The following CAMTA1 variants were observed in gnomAD, a reference collection of about 807,000 sequenced individuals.
CAMTA1 encodes calmodulin binding transcription activator 1.
Under a neutral mutation model 170.9 loss-of-function variants are expected in CAMTA1, and 27 were observed. The observed-to-expected ratio is 0.16, with a 90% CI of 0.12 to 0.22. CAMTA1 has a LOEUF of 0.22. Ranked by LOEUF, CAMTA1 falls within the 10% of genes least tolerant of loss-of-function variation. The probability of loss-of-function intolerance (pLI) is 1.00; values close to 1 mark genes in which losing one functional copy is unlikely to be tolerated. For synonymous variants in CAMTA1, 833 were observed against 891.5 expected, an observed-to-expected ratio of 0.93 and a Z score of 1.17; for missense variants, 1,619 against 2,217.2, an observed-to-expected ratio of 0.73 and a Z score of 5.42.
intron 6 of CAMTA1, among the ~76,000 whole-genome samples, chr1:7,576,196 G>C (rs1320754804): frequency 3.3e-5 from 5 of 152,122 alleles, no homozygotes; most frequent in Non-Finnish European, 7.4e-5. Flanking sequence ...TTTTAGTAGA[G>C]ACGGGGTTCC....
intron 5 of CAMTA1, among the ~76,000 whole-genome samples, chr1:7,452,448 C>T (rs1461703680): frequency 1.3e-5 from 2 of 152,156 alleles, no homozygotes; most frequent in African/African-American, 4.8e-5. Flanking sequence ...AGTGTTGTAC[C>T]GTCATCACCA....
chr1:7,056,681 G>A (rs946947890), intron 3 of CAMTA1, among the ~76,000 whole-genome samples: 3 of 152,004 alleles, frequency 2.0e-5, no homozygotes, highest in Non-Finnish European at 2.9e-5. Context: ...GCAGACCCCC[G>A]AGGGACTCCC....
intron 5 of CAMTA1, among the ~76,000 whole-genome samples, chr1:7,257,754 C>T (rs899241107): frequency 1.3e-5 from 2 of 152,124 alleles, no homozygotes; most frequent in Non-Finnish European, 2.9e-5. Context: ...AAATATTGTC[C>T]GTTGCTTTTG....
rs139618890 is a variant in CAMTA1 at position 7,609,489 on chromosome 1, TG to T, written c.511-30909del. On this transcript the variant is annotated intron_variant, in intron 6 of 22. Transcript: ENST00000303635. This position sits in a 1 kb window ranked among gnomAD's most constrained non-coding sequence, Gnocchi z 4.4. ...AGAGCAGCAGCCAGAAGGCAAGCCC[TG>T]GCCCCAGCCTCCAGGCCCCCAGGGA... Among the ~76,000 whole-genome samples, 3,557 of 152,256 alleles carry T rather than the reference TG, an allele frequency of 0.023. 139 individuals are homozygous for T. The highest frequency in any genetic ancestry group is 0.082 in the African/African-American group (3,391 of 41,528).
At chr1:6,854,692 A>G (rs1485226539) in intron 3 of CAMTA1, among the ~76,000 whole-genome samples, 1 of 152,214 alleles carries the variant, frequency 6.6e-6, no homozygotes, top group Non-Finnish European at 1.5e-5. Context: ...TCATACTTAC[A>G]AAGACAGGTT....
chr1:7,080,722 A>T (rs1204689185), intron 3 of CAMTA1, among the ~76,000 whole-genome samples: 3 of 152,164 alleles, frequency 2.0e-5, no homozygotes, highest in African/African-American at 7.2e-5. Context: ...TTTAATAGAG[A>T]TGGGGTTTCA....
chr1:6,904,716 G>A (rs140520581), intron 3 of CAMTA1, among the ~76,000 whole-genome samples: 9,154 of 136,382 alleles, frequency 0.067, 328 homozygotes, highest in Middle Eastern at 0.12. Flanking sequence ...ACAGGCATGC[G>A]CCACCATGCC....
intron 6 of CAMTA1, among the ~76,000 whole-genome samples, chr1:7,510,195 C>T (rs1457206075): frequency 7.2e-6 from 1 of 138,816 alleles, no homozygotes; most frequent in Non-Finnish European, 1.6e-5. Flanking sequence ...CCAAGGGTCA[C>T]CTGTTTGGGA....
chr1:6,864,900 T>C (rs954737909), intron 3 of CAMTA1, among the ~76,000 whole-genome samples: 1 of 152,210 alleles, frequency 6.6e-6, no homozygotes, highest in Non-Finnish European at 1.5e-5. Context: ...TGTGTCCCTG[T>C]TACCTGTACT....
intron 3 of CAMTA1, among the ~76,000 whole-genome samples, chr1:7,071,502 T>A (rs1451086994): frequency 2.6e-5 from 4 of 152,190 alleles, no homozygotes; most frequent in African/African-American, 9.7e-5. Context: ...TCGTGATAAA[T>A]CTATTTTTTA....
At chr1:7,236,918 G>A (rs1053886937) in intron 4 of CAMTA1, among the ~76,000 whole-genome samples, 2 of 152,258 alleles carry the variant, frequency 1.3e-5, no homozygotes, top group Admixed American at 6.5e-5. Context: ...CTGGAACAGA[G>A]ATTCTGCACT....
chr1:7,046,501 C>T (rs1705404817), intron 3 of CAMTA1, among the ~76,000 whole-genome samples: 1 of 152,226 alleles, frequency 6.6e-6, no homozygotes, highest in African/African-American at 2.4e-5. Flanking sequence ...GCAAGGGCTG[C>T]AGCAGCCTGG....
intron 4 of CAMTA1, among the ~76,000 whole-genome samples, chr1:7,156,184 G>T (rs146718972): frequency 1.9e-3 from 287 of 150,834 alleles, no homozygotes; most frequent in African/African-American, 6.5e-3. Flanking sequence ...TGAGGCAGGA[G>T]AATCGCTTGA....
intron 1 of CAMTA1, among the ~76,000 whole-genome samples, chr1:6,790,375 AGTGTGTGT>A (rs370868840): frequency 2.7e-4 from 37 of 139,122 alleles, no homozygotes; most frequent in African/African-American, 7.2e-4. Context: ...AGAGAGAGAG[AGTGTGTGT>A]GTGTGTGTGT....
At position 7,736,306 on chromosome 1, in the gene CAMTA1, T is replaced by C; in HGVS notation, c.3067-38T>C. 1.3e-6 allele frequency: 2 copies of C among 1,591,276 alleles called. No individual in the cohort carries two copies. Among genetic ancestry groups the C allele is most frequent in the African/African-American group, 1.3e-5 (1 of 74,564 alleles). Reference sequence around the variant, plus strand: ...GAAGCGCTGATGGGGTCGAGGGCCTTTAGTCCTGAGGTCGTAACGTGCGCT... The same window carrying C: ...GAAGCGCTGATGGGGTCGAGGGCCTCTAGTCCTGAGGTCGTAACGTGCGCT... On this transcript the variant is annotated intron_variant, in intron 12 of 22. Coordinates refer to ENST00000303635, the MANE Select transcript of CAMTA1 (RefSeq NM_015215.4). This position sits in a 1 kb window ranked among gnomAD's most constrained non-coding sequence, Gnocchi z 4.5.
chr1:7,422,330 A>G lies in CAMTA1; in HGVS notation c.439-45500A>G, dbSNP rs546601666. On this transcript the variant is annotated intron_variant, in intron 5 of 22. Transcript: ENST00000303635. ...GGGGCTTCCATCCAGGGCCTGGTGG[A>G]TCCTCCTGCTGGGGGTGGGTGAGAG... Among the ~76,000 whole-genome samples, 356 of 152,146 alleles carry G rather than the reference A, an allele frequency of 2.3e-3. 1 individual carries two copies. The highest frequency in any genetic ancestry group is 8.1e-3 in the African/African-American group (337 of 41,502).
chr1:7,630,271 C>A (rs367835803), intron 6 of CAMTA1, among the ~76,000 whole-genome samples: 1 of 152,188 alleles, frequency 6.6e-6, no homozygotes, highest in African/African-American at 2.4e-5. Flanking sequence ...GACCCTCTGT[C>A]CCCTCTTGAG....
At chr1:7,233,887 G>A (rs924789859) in intron 4 of CAMTA1, among the ~76,000 whole-genome samples, 1 of 152,122 alleles carries the variant, frequency 6.6e-6, no homozygotes, top group Non-Finnish European at 1.5e-5. Flanking sequence ...GGAGGTGGGG[G>A]TCATAACCCC....
At chr1:7,437,680 C>T (rs954214589) in intron 5 of CAMTA1, among the ~76,000 whole-genome samples, 2 of 152,184 alleles carry the variant, frequency 1.3e-5, no homozygotes, top group Non-Finnish European at 2.9e-5. Context: ...AGACCCCTCC[C>T]CTGGGAAACC....
Sources: allele counts gnomAD v4.1 joint callset (sites outside exome capture counted in the v4.1 genomes callset), GRCh38; gene constraint gnomAD v4.1.1; non-coding constraint Gnocchi (gnomAD v3.1); transcripts MANE v1.5; gene names NCBI Gene and HGNC (gene_info 2026-07-23, HGNC 2026-07-21).